The following COL5A1 variants were observed in gnomAD, a reference collection of about 807,000 sequenced individuals.
COL5A1 encodes collagen alpha-1(V) chain.
Under a neutral mutation model 263.7 loss-of-function variants are expected in COL5A1, and 16 were observed. The ratio of observed to expected loss-of-function variants is 0.06; its 90% CI spans 0.04 to 0.09. The LOEUF (loss-of-function observed/expected upper bound fraction) is 0.09, where lower values mean the gene tolerates loss of function less well. Ranked by LOEUF, COL5A1 falls within the 10% of genes least tolerant of loss-of-function variation. The pLI, the probability that COL5A1 is intolerant of heterozygous loss-of-function variation, is 1.00. For synonymous variants in COL5A1, 1,012 were observed against 1,004.5 expected, an observed-to-expected ratio of 1.01 and a Z score of -0.14; for missense variants, 2,036 against 2,540.5, an observed-to-expected ratio of 0.80 and a Z score of 4.27.
intron 14 of COL5A1, 47 bp downstream of exon 14, chr9:134,752,692 C>G (rs773024902): frequency 1.4e-6 from 2 of 1,456,690 alleles, no homozygotes; most frequent in Admixed American, 3.4e-5. Context: ...TGGGGATTGG[C>G]CCACTCCCTG....
Position 134,822,718 on chromosome 9 carries a change from G to GC in COL5A1, c.4609-279dup, listed in dbSNP as rs370666409. On this transcript the variant is annotated intron_variant, in intron 59 of 65. Coordinates refer to ENST00000371817, the MANE Select transcript of COL5A1 (RefSeq NM_000093.5). ...GAGCCAGGACATGCTCTTTTCCGCT[G>GC]CGCCCCCCCCGCGGCTGTCTGAGCT... is the stretch of plus-strand genomic sequence containing the variant. Among the ~76,000 whole-genome samples the GC allele has an allele frequency of 0.34, 49,266 of 142,936 alleles. 8,813 individuals carry two copies. The highest frequency in any genetic ancestry group is 0.42 in the Middle Eastern group (117 of 280). The allele number at this position is 142,936 out of a possible 152,430, so 93.8% of individuals were successfully genotyped here.
rs1405500502 is a variant in COL5A1 at position 134,732,003 on chromosome 9, T to C, written c.1333-68T>C. On this transcript the variant is annotated intron_variant, in intron 8 of 65. Coordinates refer to ENST00000371817, the MANE Select transcript of COL5A1 (RefSeq NM_000093.5). ...GCCTTGCGAAATCGGGCAGATTTTGTGTAATCTGGACTTTCTTTCTCACTT... is the reference window on the plus strand; with the variant it reads ...GCCTTGCGAAATCGGGCAGATTTTGCGTAATCTGGACTTTCTTTCTCACTT... 2.1e-5 allele frequency: 33 copies of C among 1,567,606 alleles called. No individual in the cohort carries two copies. The Admixed American group carries it at 5.2e-4, about 25-fold the overall frequency.
chr9:134,693,936 CCT>C (rs1270019711), intron 2 of COL5A1, among the ~76,000 whole-genome samples: 1 of 152,192 alleles, frequency 6.6e-6, no homozygotes, highest in Admixed American at 6.5e-5. Flanking sequence ...TGCACCATGC[CCT>C]GTCTCGGGGA....
At chr9:134,667,567 G>T (rs1364353171) in intron 1 of COL5A1, among the ~76,000 whole-genome samples, 1 of 152,196 alleles carries the variant, frequency 6.6e-6, no homozygotes, top group Non-Finnish European at 1.5e-5. Flanking sequence ...CCCCACTAGG[G>T]CCTCACCTTG....
chr9:134,652,970 G>A lies in COL5A1; in HGVS notation c.109+10674G>A, dbSNP rs528603107. The A allele has an allele frequency of 1.7e-5, 5 of 287,894 alleles. No homozygotes were observed. The highest frequency in any genetic ancestry group is 1.0e-4 in the East Asian group (1 of 9,866). 17.8% of individuals were successfully genotyped at this position (287,894 alleles called of 1,614,324 possible). A position where few individuals can be genotyped will look rare whatever the true frequency, so the allele number is the denominator to read the frequency against. ...GGGGGTGCCACACTTTGCAAACCAC[G>A]AGTCGTTCTGCGTCCTCGAGCCCAG... On this transcript the variant is annotated intron_variant, in intron 1 of 65. Coordinates refer to ENST00000371817, the MANE Select transcript of COL5A1 (RefSeq NM_000093.5). This position sits in a 1 kb window ranked among gnomAD's most constrained non-coding sequence, Gnocchi z 4.4.
At chr9:134,823,528 T>C in intron 61 of COL5A1, 59 bp downstream of exon 61, 10 of 1,567,846 alleles carry the variant, frequency 6.4e-6, no homozygotes, top group Non-Finnish European at 8.8e-6. Context: ...TCCGAGGGAA[T>C]TGAGAAAGCA....
At position 134,727,349 on chromosome 9, in the gene COL5A1, C is replaced by G. The variant is rs3124299; in HGVS notation, c.738C>G (p.Thr246=). ...AGCACTACAGCCCTGACTGTGACACCGCAGTACCTGACACCCCACAGTCGC... is the reference window on the plus strand; with the variant it reads ...AGCACTACAGCCCTGACTGTGACACGGCAGTACCTGACACCCCACAGTCGC... The part of the protein sequence containing the change: ...YCEHYSPDCD[T]AVPDTPQSQD... The change falls in exon 5 of 66, where the codon ACC becomes ACG. Residue 246 remains threonine (T), a synonymous_variant. Transcript: ENST00000371817. 1 of 1,613,716 alleles carries G rather than the reference C, an allele frequency of 6.2e-7. No homozygotes were observed. The highest frequency in any genetic ancestry group is 1.3e-5 in the African/African-American group (1 of 74,952).
chr9:134,735,906 T>A (rs1284667914), intron 9 of COL5A1, among the ~76,000 whole-genome samples: 1 of 152,220 alleles, frequency 6.6e-6, no homozygotes, highest in Non-Finnish European at 1.5e-5. Flanking sequence ...GAGATCGGTG[T>A]TCCCCCCAAC....
Position 134,761,982 on chromosome 9 carries a change from G to A in COL5A1, c.1989+4G>A, listed in dbSNP as rs1307138217. On this transcript the variant is annotated splice_donor_region_variant and intron_variant, in intron 19 of 65. Coordinates refer to ENST00000371817, the MANE Select transcript of COL5A1 (RefSeq NM_000093.5). ...TCCGGGAGACGATGGAGAAAGGGTA[G>A]GTATTCTGCCGTCCCTCCGACTGCT... 2 of 1,613,304 alleles carry A rather than the reference G, an allele frequency of 1.2e-6. No individual in the cohort carries two copies. Among genetic ancestry groups the A allele is most frequent in the Admixed American group, 1.7e-5 (1 of 59,996 alleles).
chr9:134,660,220 T>C (rs917825053), intron 1 of COL5A1, among the ~76,000 whole-genome samples: 16 of 152,244 alleles, frequency 1.1e-4, no homozygotes, highest in Non-Finnish European at 2.1e-4. Context: ...ATGTGTTCTA[T>C]GTGCCATGAG....
Position 134,727,305 on chromosome 9 carries a change from G to C in COL5A1, c.694G>C (p.Ala232Pro). ...GCTGCTCTTTGTCTCGGACCACCGGGCAGCTTATGATTACTGTGAGCACTA... is the reference window on the plus strand; with the variant it reads ...GCTGCTCTTTGTCTCGGACCACCGGCCAGCTTATGATTACTGTGAGCACTA... ...QQLLFVSDHRAAYDYCEHYSP... is the reference protein window; with the variant it reads ...QQLLFVSDHRPAYDYCEHYSP... The change falls in exon 5 of 66, where the codon GCA (alanine) becomes CCA (proline). Residue 232 changes from alanine (A) to proline (P), a missense_variant. Transcript: ENST00000371817. 6.2e-7 allele frequency: 1 copy of C among 1,614,054 alleles called. No homozygotes were observed. The highest frequency in any genetic ancestry group is 2.2e-5 in the East Asian group (1 of 44,874).
intron 9 of COL5A1, chr9:134,732,505 G>T: frequency 2.5e-6 from 1 of 406,374 alleles, no homozygotes; most frequent in Non-Finnish European, 4.6e-6. Flanking sequence ...CCCATTCCGT[G>T]TAAAAGATGC....
chr9:134,662,876 G>T (rs989854455), intron 1 of COL5A1, among the ~76,000 whole-genome samples: 2 of 152,178 alleles, frequency 1.3e-5, no homozygotes, highest in African/African-American at 4.8e-5. Flanking sequence ...CTAAACCTGG[G>T]GCTGTTAGCT....
chr9:134,747,780 CACACAT>C (rs1401794428), intron 11 of COL5A1, among the ~76,000 whole-genome samples: 8 of 151,660 alleles, frequency 5.3e-5, no homozygotes, highest in Non-Finnish European at 7.4e-5. Flanking sequence ...CAGACACATG[CACACAT>C]GCATTCATAC....
intron 4 of COL5A1, among the ~76,000 whole-genome samples, chr9:134,724,382 A>G (rs1399321661): frequency 6.6e-6 from 1 of 152,234 alleles, no homozygotes; most frequent in African/African-American, 2.4e-5. Flanking sequence ...ATCCCAGGCC[A>G]CACAGCCAGG....
In COL5A1 at chr9:134,716,609, C is replaced by T. The variant is rs4446798; in HGVS notation, c.655-10657C>T. Among the ~76,000 whole-genome samples the T allele has an allele frequency of 0.091, 13,855 of 152,108 alleles. 1,595 individuals carry two copies. Among genetic ancestry groups the T allele is most frequent in the African/African-American group, 0.27 (11,215 of 41,454 alleles). ...AGTCTTTGAGGAGGTGGACCTGCCCCCCAGCCCCTGCCATTGGTGCTGCCA... is the reference window on the plus strand; with the variant it reads ...AGTCTTTGAGGAGGTGGACCTGCCCTCCAGCCCCTGCCATTGGTGCTGCCA... On this transcript the variant is annotated intron_variant, in intron 4 of 65. Coordinates refer to ENST00000371817, the MANE Select transcript of COL5A1 (RefSeq NM_000093.5). This position sits in a 1 kb window ranked among gnomAD's most constrained non-coding sequence, Gnocchi z 4.5.
intron 38 of COL5A1, 112 bp from the exon 39 acceptor site, chr9:134,802,776 C>A: frequency 1.2e-6 from 1 of 825,860 alleles, no homozygotes. Flanking sequence ...TTGGTGTGCC[C>A]GCAGCAGACC....
chr9:134,766,533 G>T, intron 22 of COL5A1, 35 bp downstream of exon 22: 2 of 1,610,480 alleles, frequency 1.2e-6, no homozygotes, highest in Non-Finnish European at 1.7e-6. Context: ...TGGCTTCAGG[G>T]GCACTTTCCC....
intron 48 of COL5A1, among the ~76,000 whole-genome samples, 187 bp downstream of exon 48, chr9:134,812,899 G>T (rs910954178): frequency 7.4e-6 from 1 of 135,118 alleles, no homozygotes; most frequent in African/African-American, 2.8e-5. Flanking sequence ...GGGCATGGCT[G>T]GTTTATTCCT....
Sources: allele counts gnomAD v4.1 joint callset (sites outside exome capture counted in the v4.1 genomes callset), GRCh38; gene constraint gnomAD v4.1.1; non-coding constraint Gnocchi (gnomAD v3.1); transcripts MANE v1.5; gene names NCBI Gene and HGNC (gene_info 2026-07-23, HGNC 2026-07-21).